Variants in ZSCAN2 observed in about 807,000 individuals in gnomAD.
The protein encoded by ZSCAN2 is zinc finger and SCAN domain-containing protein 2.
A neutral mutation model predicts 47.8 loss-of-function variants in ZSCAN2; 26 were observed. That is an observed-to-expected ratio of 0.54 (90% CI 0.40 to 0.75). The LOEUF (loss-of-function observed/expected upper bound fraction) is 0.75, where lower values mean the gene tolerates loss of function less well. Among genes scored for constraint, ZSCAN2 ranks in the 30% least tolerant of loss-of-function variants. The probability of loss-of-function intolerance (pLI) is 0.00; values close to 1 mark genes in which losing one functional copy is unlikely to be tolerated. For missense variants in ZSCAN2, 732 were observed against 785.4 expected, an observed-to-expected ratio of 0.93 and a Z score of 0.81; for synonymous variants, 305 against 288.7, an observed-to-expected ratio of 1.06 and a Z score of -0.57.
rs539620676 is a variant in ZSCAN2, at chr15:84,622,181, T to G, written c.*141T>G. ...AGTCTTCCCCTTGCTCATCCTCATT[T>G]CCAGGACACTGTCATTTTAGTGGTC... On this transcript the variant is annotated 3_prime_UTR_variant, in exon 3 of 3. Coordinates refer to ENST00000546148, the MANE Select transcript of ZSCAN2 (RefSeq NM_181877.4). 1 of 745,354 alleles carries G rather than the reference T, an allele frequency of 1.3e-6. No homozygotes were observed. The highest frequency in any genetic ancestry group is 1.8e-5 in the African/African-American group (1 of 56,930). The allele number at this position is 745,354 out of a possible 1,614,324, so 46.2% of individuals were successfully genotyped here.
intron 2 of ZSCAN2, among the ~76,000 whole-genome samples, chr15:84,619,020 T>A (rs12438261): frequency 0.035 from 5,264 of 152,262 alleles, 229 homozygotes; most frequent in Admixed American, 0.12. Context: ...GATTTTACAG[T>A]CCCTCATCTA....
At chr15:84,606,612 G>A in intron 2 of ZSCAN2, 1 of 1,613,006 alleles carries the variant, frequency 6.2e-7, no homozygotes, top group South Asian at 1.1e-5. Context: ...CTATGGAGGA[G>A]AGAGTGATGG....
chr15:84,618,981 C>T (rs1895755618), intron 2 of ZSCAN2, among the ~76,000 whole-genome samples: 1 of 152,200 alleles, frequency 6.6e-6, no homozygotes, highest in African/African-American at 2.4e-5. Context: ...AGGCTCAGCT[C>T]TCTGCTGCTT....
At chr15:84,606,939 A>T (rs1243241295) in intron 2 of ZSCAN2, 2 of 949,370 alleles carry the variant, frequency 2.1e-6, no homozygotes, top group Non-Finnish European at 2.6e-6. Flanking sequence ...CATTTACTCG[A>T]CATAAGGCCG....
In ZSCAN2 at chr15:84,606,764, G is replaced by T. The variant is rs1895395031; in HGVS notation, c.406+2431G>T. 12 of 1,367,398 alleles carry T rather than the reference G, an allele frequency of 8.8e-6. No homozygotes were observed. In the South Asian group the frequency reaches 1.9e-4, roughly 22 times the overall value. 84.7% of individuals were successfully genotyped at this position (1,367,398 alleles called of 1,614,324 possible). A position where few individuals can be genotyped will look rare whatever the true frequency, so the allele number is the denominator to read the frequency against. On this transcript the variant is annotated intron_variant, in intron 2 of 2. Coordinates refer to ENST00000546148, the MANE Select transcript of ZSCAN2 (RefSeq NM_181877.4). ...CTTTGTGCCTTTCATCTTTAACTGGGCACCTGAGATGGGAACCAATGGGGA... is the reference window on the plus strand; with the variant it reads ...CTTTGTGCCTTTCATCTTTAACTGGTCACCTGAGATGGGAACCAATGGGGA...
chr15:84,619,934 T>G (rs999515754), intron 2 of ZSCAN2, among the ~76,000 whole-genome samples: 26 of 151,656 alleles, frequency 1.7e-4, no homozygotes, highest in African/African-American at 3.4e-4. Context: ...TTGGTTTTTT[T>G]TTTTTTTTTT....
At chr15:84,605,135 C>T (rs1895342435) in intron 2 of ZSCAN2, among the ~76,000 whole-genome samples, 1 of 152,194 alleles carries the variant, frequency 6.6e-6, no homozygotes, top group African/African-American at 2.4e-5. Context: ...CTCTTAAAAT[C>T]GTAATTTCAA....
At chr15:84,615,980 TCC>T (rs1474737651) in intron 2 of ZSCAN2, among the ~76,000 whole-genome samples, 2 of 152,198 alleles carry the variant, frequency 1.3e-5, no homozygotes, top group East Asian at 3.8e-4. Context: ...CAGCCTATAA[TCC>T]CAACACTTTG....
In ZSCAN2 at chr15:84,604,171, G is replaced by A. The variant is rs1424948438; in HGVS notation, c.244G>A (p.Glu82Lys). ...ACAGGGTGCACTCGGCCGCCTCCGA[G>A]AGCTCTGCCGGCGCTGGCTGAGACC... ...GPQGALGRLR[E>K]LCRRWLRPEV... Residue 82 changes from glutamate (E) to lysine (K), a missense_variant, in exon 2 of 3, where the codon GAG becomes AAG. Around this residue, in one of 2 missense-constraint regions of ZSCAN2, gnomAD observed 320 missense variants for 287.4 expected, o/e 1.11. Coordinates refer to ENST00000546148, the MANE Select transcript of ZSCAN2 (RefSeq NM_181877.4). 1.2e-6 allele frequency: 2 copies of A among 1,613,612 alleles called. No individual in the cohort carries two copies. Among genetic ancestry groups the A allele is most frequent in the Non-Finnish European group, 1.7e-6 (2 of 1,179,882 alleles).
chr15:84,619,144 A>C (rs1596037004), intron 2 of ZSCAN2, among the ~76,000 whole-genome samples: 2 of 152,274 alleles, frequency 1.3e-5, no homozygotes, highest in East Asian at 3.9e-4. Context: ...TTAAAGATCT[A>C]TTCATGGCTG....
At chr15:84,608,848 T>A (rs1264094192) in intron 2 of ZSCAN2, among the ~76,000 whole-genome samples, 1 of 152,122 alleles carries the variant, frequency 6.6e-6, no homozygotes, top group Admixed American at 6.5e-5. Context: ...CAGCATCAGC[T>A]CACCTGGGAG....
At chr15:84,614,861 G>T (rs1352701018) in intron 2 of ZSCAN2, 1 of 152,132 alleles carries the variant, frequency 6.6e-6, no homozygotes, top group Non-Finnish European at 1.5e-5. Context: ...GTTGTCCACT[G>T]GTCTTACTGT....
At chr15:84,619,029 T>C (rs1895756524) in intron 2 of ZSCAN2, among the ~76,000 whole-genome samples, 1 of 152,202 alleles carries the variant, frequency 6.6e-6, no homozygotes, top group African/African-American at 2.4e-5. Flanking sequence ...GTCCCTCATC[T>C]AAGGAAGGGG....
At position 84,613,383 on chromosome 15, in the gene ZSCAN2, C is replaced by T. The variant is rs143555824; in HGVS notation, c.407-7219C>T. On this transcript the variant is annotated intron_variant, in intron 2 of 2. Transcript: ENST00000546148. ...TTGCCCAGGCTGGAATGCAGTGGCA[C>T]AATCTCGGTACACTGCAACCTCTGC... 7.2e-3 allele frequency among the ~76,000 whole-genome samples: 1,101 copies of T among 152,152 alleles called. 15 individuals carry two copies. Among genetic ancestry groups the T allele is most frequent in the African/African-American group, 0.024 (988 of 41,516 alleles).
chr15:84,606,916 A>C, intron 2 of ZSCAN2: 1 of 1,057,972 alleles, frequency 9.5e-7, no homozygotes, highest in Non-Finnish European at 1.1e-6. Flanking sequence ...GTTTGTCTTC[A>C]TCCCTTCTCA....
intron 2 of ZSCAN2, among the ~76,000 whole-genome samples, chr15:84,605,091 C>T (rs1204844758): frequency 2.6e-5 from 4 of 152,316 alleles, no homozygotes; most frequent in Non-Finnish European, 5.9e-5. Flanking sequence ...CAGCTAATAA[C>T]TAGGGACTTT....
chr15:84,623,591 G>C lies in ZSCAN2; in HGVS notation c.*1551G>C, dbSNP rs553431731. The C allele has an allele frequency of 3.0e-5, 5 of 167,380 alleles. No individual in the cohort carries two copies. Among genetic ancestry groups the C allele is most frequent in the African/African-American group, 9.7e-5 (4 of 41,414 alleles). The allele number at this position is 167,380 out of a possible 1,614,324, so 10.4% of individuals were successfully genotyped here. On this transcript the variant is annotated 3_prime_UTR_variant, in exon 3 of 3. Transcript: ENST00000546148. ...TGAAGGGGTTTGCTGTGAAGGAAGA[G>C]GAGATAAGGCATTTCCAGGAAATGG...
intron 2 of ZSCAN2, among the ~76,000 whole-genome samples, chr15:84,619,535 G>T (rs1895769645): frequency 6.6e-6 from 1 of 152,082 alleles, no homozygotes; most frequent in African/African-American, 2.4e-5. Flanking sequence ...ACACACCTAG[G>T]GTCCTTATTG....
chr15:84,609,293 G>C (rs1428234372), intron 2 of ZSCAN2, among the ~76,000 whole-genome samples: 9 of 148,754 alleles, frequency 6.1e-5, no homozygotes, highest in Non-Finnish European at 1.5e-5. Context: ...TATCATATAT[G>C]ATATATGAGA....
Sources: allele counts gnomAD v4.1 joint callset (sites outside exome capture counted in the v4.1 genomes callset), GRCh38; gene constraint gnomAD v4.1.1; regional missense constraint gnomAD v4.1.1; transcripts MANE v1.5; gene names NCBI Gene and HGNC (gene_info 2026-07-23, HGNC 2026-07-21).